The following SNX29 variants were observed in gnomAD, a reference collection of about 807,000 sequenced individuals.
SNX29 encodes sorting nexin-29.
SNX29 carries 78 observed loss-of-function variants against 102.1 expected under a neutral mutation model. The ratio of observed to expected loss-of-function variants is 0.76; its 90% CI spans 0.64 to 0.92. The LOEUF is 0.92. Among genes scored for constraint, SNX29 ranks in the 40% least tolerant of loss-of-function variants. The pLI, the probability that SNX29 is intolerant of heterozygous loss-of-function variation, is 0.00. For synonymous variants in SNX29, 580 were observed against 414.5 expected, an observed-to-expected ratio of 1.40 and a Z score of -4.85; for missense variants, 1,280 against 1,061.7, an observed-to-expected ratio of 1.21 and a Z score of -2.86.
intron 20 of SNX29, among the ~76,000 whole-genome samples, chr16:12,528,669 C>G (rs1597755516): frequency 6.6e-6 from 1 of 152,230 alleles, no homozygotes; most frequent in East Asian, 1.9e-4. Flanking sequence ...GGGTGGATCA[C>G]CTGCCTGCAT....
At chr16:12,482,789 G>C (rs114396072) in intron 19 of SNX29, among the ~76,000 whole-genome samples, 2,901 of 152,242 alleles carry the variant, frequency 0.019, 84 homozygotes, top group African/African-American at 0.066. Context: ...GCCATCATTG[G>C]TGATTGTCTG....
In SNX29 at chr16:12,180,516, C is replaced by CGCGA. The variant is rs1567284283; in HGVS notation, c.1596-19085_1596-19084insGCGA. On this transcript the variant is annotated intron_variant, in intron 13 of 20. Coordinates refer to ENST00000566228, the MANE Select transcript of SNX29 (RefSeq NM_032167.5). Reference sequence around the variant, plus strand: ...TTTTTTTTTTTGAGATGGAGTCTTGCTCTGTCGCCCAGGCTGGAGTGCAGT... The same window carrying CGCGA: ...TTTTTTTTTTTGAGATGGAGTCTTGCGCGATCTGTCGCCCAGGCTGGAGTGCAGT... Among the ~76,000 whole-genome samples the CGCGA allele has an allele frequency of 9.7e-3, 1,461 of 151,360 alleles. 70 individuals carry two copies. The highest frequency in any genetic ancestry group is 0.085 in the Admixed American group (1,288 of 15,184).
intron 14 of SNX29, among the ~76,000 whole-genome samples, chr16:12,245,059 A>G (rs79649892): frequency 0.018 from 2,707 of 152,344 alleles, 94 homozygotes; most frequent in African/African-American, 0.062. Flanking sequence ...TTACAGTGAT[A>G]GAAAACATTG....
intron 14 of SNX29, among the ~76,000 whole-genome samples, chr16:12,225,292 T>G (rs530092801): frequency 6.6e-6 from 1 of 152,316 alleles, no homozygotes; most frequent in Admixed American, 6.5e-5. Context: ...TGGTAACGGC[T>G]TGGCTGTGTC....
chr16:12,169,921 G>T (rs1054108854), intron 13 of SNX29, among the ~76,000 whole-genome samples: 1 of 152,000 alleles, frequency 6.6e-6, no homozygotes, highest in Non-Finnish European at 1.5e-5. Context: ...GATTACAGGG[G>T]TGAGCCACCG....
chr16:12,558,059 C>T (rs977740613), intron 20 of SNX29, among the ~76,000 whole-genome samples: 3 of 152,212 alleles, frequency 2.0e-5, no homozygotes, highest in South Asian at 2.1e-4. Context: ...ACAACAGAGA[C>T]ATGATTGTGC....
At chr16:12,536,767 G>A (rs1030975361) in intron 20 of SNX29, among the ~76,000 whole-genome samples, 1 of 152,180 alleles carries the variant, frequency 6.6e-6, no homozygotes, top group African/African-American at 2.4e-5. Flanking sequence ...CAGGAGGCCA[G>A]GAGTTTCAGA....
chr16:12,200,132 A>G (rs558520438), intron 14 of SNX29, among the ~76,000 whole-genome samples: 15 of 152,292 alleles, frequency 9.8e-5, no homozygotes, highest in African/African-American at 3.4e-4. Flanking sequence ...TTTCATCTGT[A>G]CAATGAGGTT....
chr16:12,535,634 C>T (rs867076848), intron 20 of SNX29, among the ~76,000 whole-genome samples: 8 of 152,178 alleles, frequency 5.3e-5, no homozygotes, highest in African/African-American at 1.9e-4. Flanking sequence ...CAACATGAAG[C>T]ACTTACAGAG....
In SNX29 at chr16:12,061,585, G is replaced by A; in HGVS notation, c.1182G>A (p.Val394=). ...SQMHSWAPLK[V]LHNDSDILFP... ...TGCACAGCTGGGCTCCGCTGAAGGTGCTGCACAATGACTCCGACATCCTCT... is the reference window on the plus strand; with the variant it reads ...TGCACAGCTGGGCTCCGCTGAAGGTACTGCACAATGACTCCGACATCCTCT... Residue 394 remains valine (V), a synonymous_variant, in exon 9 of 21, where the codon GTG becomes GTA. Transcript: ENST00000566228. 1 of 1,611,910 alleles carries A rather than the reference G, an allele frequency of 6.2e-7. No homozygotes were observed. The highest frequency in any genetic ancestry group is 1.3e-5 in the African/African-American group (1 of 75,020).
At chr16:12,070,070 G>T (rs563682449) in intron 10 of SNX29, among the ~76,000 whole-genome samples, 1 of 152,314 alleles carries the variant, frequency 6.6e-6, no homozygotes, top group African/African-American at 2.4e-5. Flanking sequence ...CATAGTATTT[G>T]TGAAGGGCTT....
At chr16:12,003,470 A>C (rs2056358665) in intron 3 of SNX29, among the ~76,000 whole-genome samples, 1 of 152,208 alleles carries the variant, frequency 6.6e-6, no homozygotes, top group Admixed American at 6.5e-5. Flanking sequence ...TTTCAACAGA[A>C]AAATGCATAG....
At chr16:12,388,114 TG>T (rs1162435202) in intron 16 of SNX29, among the ~76,000 whole-genome samples, 1 of 152,228 alleles carries the variant, frequency 6.6e-6, no homozygotes. Flanking sequence ...CTTTTGCACG[TG>T]CCGAGCTTTA....
intron 14 of SNX29, among the ~76,000 whole-genome samples, chr16:12,276,362 C>T (rs2079250753): frequency 6.6e-6 from 1 of 152,206 alleles, no homozygotes; most frequent in African/African-American, 2.4e-5. Flanking sequence ...GGGCTTCTTT[C>T]TGCGTGTTTC....
Position 12,356,197 on chromosome 16 carries a change from A to G in SNX29, c.1817A>G (p.Asn606Ser), listed in dbSNP as rs144110594. ...ATGCATGGCGAGCTGATTGAGTTCA[A>G]CGAGCGCCTGCACAGGGCCCTGGTA... ...AEMHGELIEF[N>S]ERLHRALVAK... The change falls in exon 16 of 21, where the codon AAC becomes AGC. Residue 606 changes from asparagine to serine, a missense_variant. Asn to Ser is a conservative substitution (Grantham distance 46). Coordinates refer to ENST00000566228, the MANE Select transcript of SNX29 (RefSeq NM_032167.5). 5.1e-5 allele frequency: 82 copies of G among 1,613,366 alleles called. No homozygotes were observed. The East Asian group carries it at 5.6e-4, about 11-fold the overall frequency.
At chr16:12,565,322 C>T (rs551727448) in intron 20 of SNX29, among the ~76,000 whole-genome samples, 6 of 152,208 alleles carry the variant, frequency 3.9e-5, no homozygotes, top group Non-Finnish European at 7.3e-5. Context: ...CCACTGTGCT[C>T]AGCAGTCTGG....
intron 14 of SNX29, among the ~76,000 whole-genome samples, chr16:12,275,301 G>C (rs1414228089): frequency 6.6e-6 from 1 of 152,144 alleles, no homozygotes; most frequent in Non-Finnish European, 1.5e-5. Context: ...GGGCTGGGGA[G>C]AGGGAAGAAG....
At chr16:12,409,421 CTTTTTTTT>C (rs71139589) in intron 18 of SNX29, among the ~76,000 whole-genome samples, 2 of 89,638 alleles carry the variant, frequency 2.2e-5, no homozygotes, top group Non-Finnish European at 4.1e-5. Context: ...GATTCACTGT[CTTTTTTTT>C]TTTTTTTTTT....
chr16:12,564,952 G>C (rs922773680), intron 20 of SNX29, among the ~76,000 whole-genome samples: 1 of 140,654 alleles, frequency 7.1e-6, no homozygotes, highest in African/African-American at 2.6e-5. Flanking sequence ...AAAAAAAAAA[G>C]GCTGTCATTG....
Sources: gnomAD v4.1 joint callset for allele counts (sites outside exome capture counted in the v4.1 genomes callset) on GRCh38, gnomAD v4.1.1 for gene constraint, MANE v1.5 for transcripts, NCBI Gene and HGNC (gene_info 2026-07-23, HGNC 2026-07-21) for gene names.